Variants in ITFG1 observed in about 807,000 individuals in gnomAD.
The protein encoded by ITFG1 is T-cell immunomodulatory protein.
Under a neutral mutation model 81.8 loss-of-function variants are expected in ITFG1, and 34 were observed. That is an observed-to-expected ratio of 0.42 (90% confidence interval 0.32 to 0.55). ITFG1 has a LOEUF of 0.55. Among genes scored for constraint, ITFG1 ranks in the 20% least tolerant of loss-of-function variants. The pLI is 0.17. For missense variants in ITFG1, 672 were observed against 755.4 expected (o/e 0.89, Z 1.29); for synonymous variants, 285 against 270.6 (o/e 1.05, Z -0.52).
chr16:47,171,849 T>C (rs1420563), intron 14 of ITFG1, among the ~76,000 whole-genome samples: 150,354 of 152,314 alleles, frequency 0.99, 74,232 homozygotes, highest in East Asian at 1. Context: ...GTATATAAAA[T>C]ATATGAATAG....
intron 10 of ITFG1, among the ~76,000 whole-genome samples, chr16:47,288,983 G>A (rs557155885): frequency 6.6e-6 from 1 of 152,274 alleles, no homozygotes; most frequent in East Asian, 1.9e-4. Context: ...AATGTTGGCA[G>A]TAGGTTTGTC....
chr16:47,396,710 G>A (rs914958587), intron 6 of ITFG1, among the ~76,000 whole-genome samples: 14 of 152,164 alleles, frequency 9.2e-5, no homozygotes, highest in African/African-American at 3.1e-4. Flanking sequence ...TGGATATAAA[G>A]TAGCAGGATC....
At chr16:47,241,529 G>A (rs1965933613) in intron 12 of ITFG1, among the ~76,000 whole-genome samples, 1 of 152,178 alleles carries the variant, frequency 6.6e-6, no homozygotes, top group African/African-American at 2.4e-5. Flanking sequence ...ATTATGCTAA[G>A]TGTAAGAAGC....
intron 5 of ITFG1, among the ~76,000 whole-genome samples, chr16:47,433,770 A>AATATATATAT (rs59030134): frequency 0.034 from 4,178 of 124,398 alleles, 138 homozygotes; most frequent in African/African-American, 0.066. Context: ...ATAAAAACTG[A>AATATATATAT]ATATATATAT....
intron 8 of ITFG1, among the ~76,000 whole-genome samples, chr16:47,320,132 G>T (rs1398946128): frequency 6.6e-6 from 1 of 152,186 alleles, no homozygotes; most frequent in Non-Finnish European, 1.5e-5. Flanking sequence ...TACAAGAGAG[G>T]TTACACCAAT....
intron 7 of ITFG1, among the ~76,000 whole-genome samples, chr16:47,366,552 G>C (rs978138620): frequency 1.3e-5 from 2 of 152,106 alleles, no homozygotes; most frequent in African/African-American, 4.8e-5. Context: ...GCACACATCT[G>C]ATTACCAAAA....
intron 13 of ITFG1, among the ~76,000 whole-genome samples, chr16:47,236,982 G>A (rs1038839667): frequency 6.6e-6 from 1 of 152,308 alleles, no homozygotes; most frequent in South Asian, 2.1e-4. Context: ...GATGTGATGT[G>A]TGATTGATGC....
At chr16:47,357,112 C>A (rs1274940953) in intron 8 of ITFG1, among the ~76,000 whole-genome samples, 1 of 151,400 alleles carries the variant, frequency 6.6e-6, no homozygotes, top group Non-Finnish European at 1.5e-5. Context: ...TATCATAGAT[C>A]AATTATATTA....
At chr16:47,411,391 G>A (rs796411155) in intron 6 of ITFG1, among the ~76,000 whole-genome samples, 16 of 152,234 alleles carry the variant, frequency 1.1e-4, no homozygotes, top group African/African-American at 3.9e-4. Context: ...GGCAGATACC[G>A]GGGAGGCCAC....
chr16:47,248,732 A>T (rs914814663), intron 12 of ITFG1, among the ~76,000 whole-genome samples: 1 of 152,220 alleles, frequency 6.6e-6, no homozygotes, highest in Admixed American at 6.5e-5. Flanking sequence ...CCCATTTTTT[A>T]AAAGTGAGAC....
At chr16:47,223,747 TATAAAGACACGTGCAC>T (rs1289656676) in intron 13 of ITFG1, among the ~76,000 whole-genome samples, 1 of 152,188 alleles carries the variant, frequency 6.6e-6, no homozygotes, top group East Asian at 1.9e-4. Flanking sequence ...ATCATGCTGC[TATAAAGACACGTGCAC>T]ATGTATGTTT....
chr16:47,168,396 C>G (rs1417926096), intron 14 of ITFG1, among the ~76,000 whole-genome samples: 1 of 152,154 alleles, frequency 6.6e-6, no homozygotes, highest in Non-Finnish European at 1.5e-5. Flanking sequence ...TCTTTTGAGA[C>G]AGGCTCTTGC....
At chr16:47,210,932 G>T (rs1965554149) in intron 14 of ITFG1, among the ~76,000 whole-genome samples, 1 of 152,042 alleles carries the variant, frequency 6.6e-6, no homozygotes, top group Non-Finnish European at 1.5e-5. Flanking sequence ...GTTCTATTAG[G>T]TTGGTGCAAA....
At chr16:47,424,205 T>G (rs1425211810) in intron 6 of ITFG1, among the ~76,000 whole-genome samples, 1 of 152,144 alleles carries the variant, frequency 6.6e-6, no homozygotes, top group Admixed American at 6.5e-5. Flanking sequence ...TACTCTTTGT[T>G]CCACTTGATC....
intron 14 of ITFG1, among the ~76,000 whole-genome samples, chr16:47,205,828 T>TTATC (rs58886060): frequency 0.11 from 16,107 of 142,922 alleles, 978 homozygotes; most frequent in Middle Eastern, 0.13. Flanking sequence ...TGGAATTAAA[T>TTATC]TATCTATCTA....
At chr16:47,336,163 A>C (rs1967701257) in intron 8 of ITFG1, among the ~76,000 whole-genome samples, 1 of 152,248 alleles carries the variant, frequency 6.6e-6, no homozygotes, top group African/African-American at 2.4e-5. Flanking sequence ...AAAGTAGATC[A>C]AATGATGTCA....
intron 12 of ITFG1, among the ~76,000 whole-genome samples, chr16:47,239,359 C>G (rs1324108250): frequency 1.3e-5 from 2 of 152,120 alleles, no homozygotes; most frequent in Non-Finnish European, 2.9e-5. Flanking sequence ...CGCCACCACA[C>G]CCAGCTAATT....
rs775648164 is a variant in ITFG1 at position 47,375,947 on chromosome 16, G to C, written c.656-7C>G. The C allele has an allele frequency of 1.6e-5, 26 of 1,584,498 alleles. No individual in the cohort carries two copies. The highest frequency in any genetic ancestry group is 2.2e-5 in the Non-Finnish European group (25 of 1,157,152). The stretch of plus-strand genomic sequence containing the variant: ...AATGTCGTCAGGAATAAATCTAGAA[G>C]GAAAAATAATAAAAACGTAAAGTTT... On this transcript the variant is annotated splice_region_variant and splice_polypyrimidine_tract_variant and intron_variant, in intron 6 of 17. Transcript: ENST00000320640.
At position 47,251,955 on chromosome 16, in the gene ITFG1, C is replaced by CTACG. The variant is rs1160794999; in HGVS notation, c.1330+6673_1330+6676dup. Among the ~76,000 whole-genome samples, 10 of 152,268 alleles carry CTACG rather than the reference C, an allele frequency of 6.6e-5. 1 individual carries two copies. The highest frequency in any genetic ancestry group is 2.2e-4 in the African/African-American group (9 of 41,558). On this transcript the variant is annotated intron_variant, in intron 12 of 17. Coordinates refer to ENST00000320640, the MANE Select transcript of ITFG1 (RefSeq NM_030790.5). ...AAGTGAAACTGTGGATAAGTGGGGA[C>CTACG]TACGCTATATGCAAGAAGAAAATAG...
Sources: allele counts gnomAD v4.1 joint callset (sites outside exome capture counted in the v4.1 genomes callset), GRCh38; gene constraint gnomAD v4.1.1; transcripts MANE v1.5; gene names NCBI Gene and HGNC (gene_info 2026-07-23, HGNC 2026-07-21).